The following CTNNA2 variants were observed in gnomAD, a reference collection of about 807,000 sequenced individuals.
CTNNA2 encodes the protein catenin alpha 2, also known as catenin alpha-2.
Under a neutral mutation model 101.0 loss-of-function variants are expected in CTNNA2, and 42 were observed. The ratio of observed to expected loss-of-function variants is 0.42; its 90% CI spans 0.32 to 0.54. The LOEUF (loss-of-function observed/expected upper bound fraction) is 0.54, where lower values mean the gene tolerates loss of function less well. Among genes scored for constraint, CTNNA2 ranks in the 20% least tolerant of loss-of-function variants. The probability of loss-of-function intolerance (pLI) is 0.14; values close to 1 mark genes in which losing one functional copy is unlikely to be tolerated. For synonymous variants in CTNNA2, 450 were observed against 456.4 expected (o/e 0.99, Z 0.18); for missense variants, 871 against 1,223.1 (o/e 0.71, Z 4.29).
At chr2:79,685,716 G>A (rs975282094) in intron 2 of CTNNA2, among the ~76,000 whole-genome samples, 4 of 152,028 alleles carry the variant, frequency 2.6e-5, no homozygotes, top group African/African-American at 9.7e-5. Context: ...TGAAACTGAG[G>A]GTACCACAAA....
intron 4 of CTNNA2, among the ~76,000 whole-genome samples, chr2:79,427,388 G>T (rs2104507228): frequency 6.6e-6 from 1 of 151,644 alleles, no homozygotes; most frequent in South Asian, 2.1e-4. Context: ...CTCTTCAAAG[G>T]CTTGTAATAT....
intron 3 of CTNNA2, among the ~76,000 whole-genome samples, chr2:79,328,591 A>C (rs147505016): frequency 1.9e-3 from 285 of 152,270 alleles, no homozygotes; most frequent in African/African-American, 6.8e-3. Context: ...GATGTTGATC[A>C]TGATGATGAT....
At chr2:79,608,439 T>C (rs1417246732) in intron 1 of CTNNA2, among the ~76,000 whole-genome samples, 1 of 152,056 alleles carries the variant, frequency 6.6e-6, no homozygotes, top group African/African-American at 2.4e-5. Flanking sequence ...TGCCAAATTT[T>C]AGGGTGAAAA....
At chr2:79,857,982 A>G (rs374247851) in intron 3 of CTNNA2, 31 bp from the exon 4 acceptor site, 14 of 1,597,294 alleles carry the variant, frequency 8.8e-6, no homozygotes, top group Non-Finnish European at 1.1e-5. Context: ...CCTCTTGTCT[A>G]CCCACCTGCC....
intron 2 of CTNNA2, among the ~76,000 whole-genome samples, chr2:79,677,843 G>A (rs1016200601): frequency 5.3e-5 from 8 of 152,146 alleles, no homozygotes; most frequent in African/African-American, 1.7e-4. Flanking sequence ...AAGGTGTGTT[G>A]GATGGAAAAG....
chr2:79,719,871 T>G (rs1197590065), intron 2 of CTNNA2, among the ~76,000 whole-genome samples: 1 of 152,222 alleles, frequency 6.6e-6, no homozygotes, highest in Non-Finnish European at 1.5e-5. Flanking sequence ...CTGTTTCTTT[T>G]GCTGTGCAGA....
intron 9 of CTNNA2, among the ~76,000 whole-genome samples, chr2:80,466,385 G>A (rs984824113): frequency 1.3e-5 from 2 of 152,110 alleles, no homozygotes; most frequent in Non-Finnish European, 2.9e-5. Context: ...TTGATTTTAT[G>A]AATGAATGAC....
chr2:80,033,937 C>A, intron 7 of CTNNA2, among the ~76,000 whole-genome samples: 1 of 138,138 alleles, frequency 7.2e-6, no homozygotes, highest in Non-Finnish European at 1.5e-5. Context: ...AGCCACACAC[C>A]AGCATAGATT....
At chr2:80,015,355 G>T (rs1487983827) in intron 7 of CTNNA2, among the ~76,000 whole-genome samples, 3 of 152,116 alleles carry the variant, frequency 2.0e-5, no homozygotes, top group African/African-American at 7.2e-5. Context: ...ATTAGTCTCA[G>T]TAATAGATAT....
chr2:80,462,232 G>A (rs1166341347), intron 9 of CTNNA2, among the ~76,000 whole-genome samples: 1 of 152,182 alleles, frequency 6.6e-6, no homozygotes, highest in African/African-American at 2.4e-5. Flanking sequence ...TGAGTCTCAG[G>A]CTACTGAAGT....
In CTNNA2 at chr2:79,472,294, G is replaced by T. The variant is rs529684742; in HGVS notation, c.-134-32760G>T. Among the ~76,000 whole-genome samples, 12 of 152,304 alleles carry T rather than the reference G, an allele frequency of 7.9e-5. 1 individual carries two copies. In the South Asian group the frequency reaches 2.5e-3, roughly 32 times the overall value. On this transcript the variant is annotated intron_variant, in intron 4 of 21. Coordinates refer to the CTNNA2 transcript ENST00000466387. ...TTGGCTTCATGCCCTGCCTTCAGGT[G>T]GTGGTACTGCACGTGCAGCCCTGCC... is the stretch of plus-strand genomic sequence containing the variant.
At chr2:80,542,249 A>ATG (rs199610864) in intron 9 of CTNNA2, among the ~76,000 whole-genome samples, 293 of 130,358 alleles carry the variant, frequency 2.2e-3, no homozygotes, top group African/African-American at 8.2e-3. Context: ...TTACATATTT[A>ATG]TGTGTATATA....
intron 7 of CTNNA2, among the ~76,000 whole-genome samples, chr2:80,354,160 T>G (rs1673564922): frequency 6.6e-6 from 1 of 152,142 alleles, no homozygotes. Context: ...GTTGTGGCAC[T>G]CTAACTTCAG....
intron 2 of CTNNA2, among the ~76,000 whole-genome samples, chr2:79,673,381 A>G (rs1682974530): frequency 6.6e-6 from 1 of 152,186 alleles, no homozygotes; most frequent in African/African-American, 2.4e-5. Context: ...TTTTAAAAAT[A>G]TAAACTTGAA....
At chr2:79,888,969 G>T (rs1558615487) in intron 6 of CTNNA2, among the ~76,000 whole-genome samples, 1 of 152,060 alleles carries the variant, frequency 6.6e-6, no homozygotes, top group Non-Finnish European at 1.5e-5. Flanking sequence ...GCAACATGTG[G>T]TTTATTTAAA....
intron 7 of CTNNA2, among the ~76,000 whole-genome samples, chr2:80,139,368 T>C (rs1702869863): frequency 6.6e-6 from 1 of 151,956 alleles, no homozygotes. Context: ...TCTTGGAGAG[T>C]TTCAAGGATG....
At chr2:80,491,355 G>A (rs1687043355) in intron 9 of CTNNA2, among the ~76,000 whole-genome samples, 1 of 152,206 alleles carries the variant, frequency 6.6e-6, no homozygotes, top group Non-Finnish European at 1.5e-5. Context: ...CAAGGTGGGA[G>A]AACGGCATGA....
At chr2:80,110,233 A>T (rs1248594544) in intron 7 of CTNNA2, among the ~76,000 whole-genome samples, 1 of 152,216 alleles carries the variant, frequency 6.6e-6, no homozygotes, top group Non-Finnish European at 1.5e-5. Context: ...TGAGGTCTAG[A>T]GGAAACAATC....
chr2:79,608,061 G>A (rs897204060), intron 1 of CTNNA2, among the ~76,000 whole-genome samples: 1 of 151,900 alleles, frequency 6.6e-6, no homozygotes, highest in African/African-American at 2.4e-5. Flanking sequence ...ATTCAAATTA[G>A]CAGCAGGAGG....
Sources: gnomAD v4.1 joint callset for allele counts (sites outside exome capture counted in the v4.1 genomes callset) on GRCh38, gnomAD v4.1.1 for gene constraint, MANE v1.5 for transcripts, NCBI Gene and HGNC (gene_info 2026-07-23, HGNC 2026-07-21) for gene names.